MCIDAS: variants seen among roughly 807,000 people sequenced by gnomAD.
MCIDAS encodes the protein multicilin.
Under a neutral mutation model 35.4 loss-of-function variants are expected in MCIDAS, and 23 were observed. The ratio of observed to expected loss-of-function variants is 0.65; its 90% CI spans 0.47 to 0.92. MCIDAS has a LOEUF of 0.92. Ranked by LOEUF, MCIDAS falls within the 40% of genes least tolerant of loss-of-function variation. The pLI is 0.00. For synonymous variants in MCIDAS, 228 were observed against 235.2 expected (o/e 0.97, Z 0.28); for missense variants, 480 against 531.8 (o/e 0.90, Z 0.96).
At chr5:55,224,407 T>C (rs1208082574) in intron 3 of MCIDAS, among the ~76,000 whole-genome samples, 1 of 152,176 alleles carries the variant, frequency 6.6e-6, no homozygotes, top group Admixed American at 6.5e-5. Flanking sequence ...CTTCAAAGAA[T>C]GTACAAGTAT....
intron 3 of MCIDAS, among the ~76,000 whole-genome samples, chr5:55,225,833 G>A (rs903184395): frequency 6.6e-6 from 1 of 152,198 alleles, no homozygotes; most frequent in Non-Finnish European, 1.5e-5. Flanking sequence ...CCAGACACCA[G>A]TGCTGGGAGA....
chr5:55,226,498 T>C, intron 3 of MCIDAS, 78 bp downstream of exon 3: 1 of 1,382,920 alleles, frequency 7.2e-7, no homozygotes, highest in Non-Finnish European at 9.6e-7. Context: ...AGAGGAGCTT[T>C]TGGGGAATTA....
Position 55,223,401 on chromosome 5 carries a change from G to A in MCIDAS, c.310-378C>T, listed in dbSNP as rs952161247. Among the ~76,000 whole-genome samples the A allele has an allele frequency of 3.9e-5, 6 of 152,240 alleles. No homozygotes were observed. The highest frequency in any genetic ancestry group is 2.0e-4 in the Admixed American group (3 of 15,286). ...GGGGCAGCAGTTCGCGGCTCCTGCA[G>A]AGCAGCTGCGTGGCGGGAATGGGTC... On this transcript the variant is annotated intron_variant, in intron 3 of 6. Transcript: ENST00000513312. This position sits in a 1 kb window ranked among gnomAD's most constrained non-coding sequence, Gnocchi z 4.4.
In MCIDAS at chr5:55,220,634, C is replaced by G; in HGVS notation, c.890G>C (p.Ser297Thr). 1.3e-6 allele frequency: 2 copies of G among 1,536,142 alleles called. No homozygotes were observed. The highest frequency in any genetic ancestry group is 4.9e-5 in the East Asian group (2 of 40,912). The part of the protein sequence containing the change: ...ISERCDEALQ[S>T]RDPKRPRLLP... ...CAGTCGGGGCCGCTTGGGATCGCGG[C>G]TCTGAAGGGCTTCATCGCAGCGCTC... is the stretch of plus-strand genomic sequence containing the variant. Residue 297 changes from serine (S) to threonine (T), a missense_variant, in exon 7 of 7, where the codon AGC (serine) becomes ACC (threonine). Transcript: ENST00000513312.
chr5:55,227,006 T>A lies in MCIDAS; in HGVS notation c.120+13A>T. On this transcript the variant is annotated intron_variant, in intron 1 of 6. Transcript: ENST00000513312. ...GCGCGCAGACCCCGCCCGGCCCGAA[T>A]CAACCGCCCCACCTTCCTCTCCGGC... 2.0e-6 allele frequency: 3 copies of A among 1,519,496 alleles called. No homozygotes were observed. Among genetic ancestry groups the A allele is most frequent in the Non-Finnish European group, 2.6e-6 (3 of 1,140,162 alleles). The allele number at this position is 1,519,496 out of a possible 1,614,324, so 94.1% of individuals were successfully genotyped here.
At chr5:55,224,245 T>C (rs1477255950) in intron 3 of MCIDAS, among the ~76,000 whole-genome samples, 5 of 151,568 alleles carry the variant, frequency 3.3e-5, no homozygotes, top group African/African-American at 4.8e-5. Context: ...AGGGCCATGG[T>C]AAGAGAAGAT....
Position 55,227,275 on chromosome 5 carries a change from G to A in MCIDAS, c.-137C>T. ...GTTGGGGCAGGCGCGTGACCGAGAA[G>A]GAGCCGAGGGGCTGCCGAGGAGGTG... is the stretch of plus-strand genomic sequence containing the variant. On this transcript the variant is annotated 5_prime_UTR_variant, in exon 1 of 7. Coordinates refer to ENST00000513312, the MANE Select transcript of MCIDAS (RefSeq NM_001190787.3). The A allele has an allele frequency of 8.5e-7, 1 of 1,177,892 alleles. No homozygotes were observed. The highest frequency in any genetic ancestry group is 1.1e-6 in the Non-Finnish European group (1 of 904,544). 73.0% of individuals were successfully genotyped at this position (1,177,892 alleles called of 1,614,324 possible). A position where few individuals can be genotyped will look rare whatever the true frequency, so the allele number is the denominator to read the frequency against.
In MCIDAS at chr5:55,220,720, C is replaced by T; in HGVS notation, c.804G>A (p.Glu268=). The change falls in exon 7 of 7, where the codon GAG becomes GAA. Residue 268 remains glutamate (E), a synonymous_variant. Transcript: ENST00000513312. ...LKAKAKRSLE[E]LVSAAGQDCA... ...AATCCTGCCCCGCAGCGCTGACCAACTCCTCCAGGCTCCTTTTGGCCTTCG... is the reference window on the plus strand; with the variant it reads ...AATCCTGCCCCGCAGCGCTGACCAATTCCTCCAGGCTCCTTTTGGCCTTCG... The T allele has an allele frequency of 6.5e-7, 1 of 1,535,912 alleles. No homozygotes were observed. The highest frequency in any genetic ancestry group is 8.7e-7 in the Non-Finnish European group (1 of 1,146,724).
At position 55,226,936 on chromosome 5, in the gene MCIDAS, C is replaced by A. The variant is rs1415669816; in HGVS notation, c.121-5G>T. The A allele has an allele frequency of 8.2e-6, 12 of 1,458,746 alleles. No individual in the cohort carries two copies. The highest frequency in any genetic ancestry group is 9.9e-6 in the Non-Finnish European group (11 of 1,113,532). 90.4% of individuals were successfully genotyped at this position (1,458,746 alleles called of 1,614,324 possible). ...GAACTTCCGCGGAGGAGCGAACTGG[C>A]CGGGCACACAAACGTTGAACGCGGG... On this transcript the variant is annotated splice_polypyrimidine_tract_variant and splice_region_variant and intron_variant, in intron 1 of 6. Transcript: ENST00000513312.
intron 3 of MCIDAS, among the ~76,000 whole-genome samples, chr5:55,226,190 G>A (rs1313214965): frequency 6.6e-6 from 1 of 152,108 alleles, no homozygotes; most frequent in South Asian, 2.1e-4. Context: ...GGCCAGGAAG[G>A]GGGTGTTGGG....
chr5:55,220,442 A>G lies in MCIDAS; in HGVS notation c.1082T>C (p.Leu361Pro). The stretch of plus-strand genomic sequence containing the variant: ...GAAGGCATTGCCCTGGGGGAAGGCG[A>G]GGGTGCGGATGGTGCTGTGGCTGCG... The part of the protein sequence containing the change: ...RIRSHSTIRT[L>P]AFPQGNAFTI... Residue 361 changes from leucine (L) to proline (P), a missense_variant, in exon 7 of 7, where the codon CTC becomes CCC. Leu to Pro is a moderately conservative substitution (Grantham distance 98). Transcript: ENST00000513312. 6.5e-7 allele frequency: 1 copy of G among 1,535,986 alleles called. No individual in the cohort carries two copies. The highest frequency in any genetic ancestry group is 8.7e-7 in the Non-Finnish European group (1 of 1,146,892).
Position 55,223,778 on chromosome 5 carries a change from C to T in MCIDAS, c.310-755G>A, listed in dbSNP as rs1561116214. 1.3e-5 allele frequency among the ~76,000 whole-genome samples: 2 copies of T among 152,228 alleles called. No homozygotes were observed. Among genetic ancestry groups the T allele is most frequent in the East Asian group, 1.9e-4 (1 of 5,192 alleles). ...GGCCAGGAGAATACGGGAAAAGCTT[C>T]TGTTCTGCGCACAGCCAGTGCGGCC... On this transcript the variant is annotated intron_variant, in intron 3 of 6. Coordinates refer to ENST00000513312, the MANE Select transcript of MCIDAS (RefSeq NM_001190787.3). The surrounding 1 kb of genome is among the most constrained non-coding windows in gnomAD (Gnocchi z 4.4).
At chr5:55,224,042 T>C (rs1291086195) in intron 3 of MCIDAS, among the ~76,000 whole-genome samples, 1 of 152,014 alleles carries the variant, frequency 6.6e-6, no homozygotes, top group Non-Finnish European at 1.5e-5. Flanking sequence ...CATACCAGTG[T>C]GGGAAGCGGC....
chr5:55,226,751 G>A, intron 2 of MCIDAS, 84 bp from the exon 3 acceptor site: 1 of 1,406,536 alleles, frequency 7.1e-7, no homozygotes, highest in South Asian at 1.5e-5. Flanking sequence ...AGAGCCCGGG[G>A]GAGAGAAGCT....
Position 55,220,593 on chromosome 5 carries a change from T to C in MCIDAS, c.931A>G (p.Asn311Asp). Residue 311 changes from asparagine to aspartate, a missense_variant, in exon 7 of 7, where the codon AAT (asparagine) becomes GAT (aspartate). Physicochemically the swap from Asn to Asp is conservative, Grantham distance 23. Transcript: ENST00000513312. ...KRPRLLPEPA[N>D]TDTRPGNLHG... is the part of the protein sequence containing the mutation. The stretch of plus-strand genomic sequence containing the variant: ...AGGTTCCCGGGCCTGGTGTCAGTAT[T>C]CGCGGGCTCTGGCAGCAGTCGGGGC... The C allele has an allele frequency of 3.9e-6, 6 of 1,536,096 alleles. No individual in the cohort carries two copies. The highest frequency in any genetic ancestry group is 5.2e-6 in the Non-Finnish European group (6 of 1,146,866).
Position 55,227,269 on chromosome 5 carries a change from C to G in MCIDAS, c.-131G>C, listed in dbSNP as rs1333971876. The stretch of plus-strand genomic sequence containing the variant: ...CCAGAGGTTGGGGCAGGCGCGTGAC[C>G]GAGAAGGAGCCGAGGGGCTGCCGAG... On this transcript the variant is annotated 5_prime_UTR_variant, in exon 1 of 7. Transcript: ENST00000513312. 14 of 1,233,422 alleles carry G rather than the reference C, an allele frequency of 1.1e-5. No homozygotes were observed. The highest frequency in any genetic ancestry group is 2.9e-4 in the Middle Eastern group (1 of 3,446). 76.4% of individuals were successfully genotyped at this position (1,233,422 alleles called of 1,614,324 possible). A position where few individuals can be genotyped will look rare whatever the true frequency, so the allele number is the denominator to read the frequency against.
chr5:55,226,969 T>G, intron 1 of MCIDAS, 38 bp from the exon 2 acceptor site: 1 of 1,501,678 alleles, frequency 6.7e-7, no homozygotes. Flanking sequence ...GGGTCAGCCC[T>G]CGGGGCACCG....
rs1745474640 is a variant in MCIDAS at position 55,227,155 on chromosome 5, G to A, written c.-17C>T. The A allele has an allele frequency of 7.0e-7, 1 of 1,423,294 alleles. No individual in the cohort carries two copies. Among genetic ancestry groups the A allele is most frequent in the Non-Finnish European group, 9.1e-7 (1 of 1,097,484 alleles). 88.2% of individuals were successfully genotyped at this position (1,423,294 alleles called of 1,614,324 possible). On this transcript the variant is annotated 5_prime_UTR_variant, in exon 1 of 7. Coordinates refer to ENST00000513312, the MANE Select transcript of MCIDAS (RefSeq NM_001190787.3). ...CGCCTGCATTGTGCCTCCTGCCTCC[G>A]GGTGCCGACTGCTCGGAGGCGGCGG...
rs1745455428 is a variant in MCIDAS at position 55,226,469 on chromosome 5, T to A, written c.309+107A>T. On this transcript the variant is annotated intron_variant, in intron 3 of 6. Transcript: ENST00000513312. ...AATGCTTCCCCTCACCAGCTGAGTG[T>A]GCCTGCGCTCCCGACCCGAGAGGAG... 2.7e-6 allele frequency: 3 copies of A among 1,114,032 alleles called. No homozygotes were observed. The African/African-American group carries it at 4.8e-5, about 18-fold the overall frequency. The allele number at this position is 1,114,032 out of a possible 1,614,324, so 69.0% of individuals were successfully genotyped here.
Sources: allele counts gnomAD v4.1 joint callset (sites outside exome capture counted in the v4.1 genomes callset), GRCh38; gene constraint gnomAD v4.1.1; non-coding constraint Gnocchi (gnomAD v3.1); transcripts MANE v1.5; gene names NCBI Gene and HGNC (gene_info 2026-07-23, HGNC 2026-07-21).